Variants in CENPL observed in about 807,000 individuals in gnomAD.
The protein encoded by CENPL is centromere protein L.
In CENPL, 20 loss-of-function variants were observed where a neutral mutation model predicts 35.2. The observed-to-expected ratio is 0.57, with a 90% CI of 0.40 to 0.83. CENPL has a LOEUF of 0.83. Ranked by LOEUF, CENPL falls within the 40% of genes least tolerant of loss-of-function variation. The probability of loss-of-function intolerance (pLI) is 0.00; values close to 1 mark genes in which losing one functional copy is unlikely to be tolerated. For synonymous variants in CENPL, 140 were observed against 140.6 expected, an observed-to-expected ratio of 1.00 and a Z score of 0.03; for missense variants, 363 against 395.8, an observed-to-expected ratio of 0.92 and a Z score of 0.70.
At chr1:173,813,415 C>T (rs997554070) in intron 2 of CENPL, among the ~76,000 whole-genome samples, 3 of 152,142 alleles carry the variant, frequency 2.0e-5, no homozygotes, top group Non-Finnish European at 2.9e-5. Flanking sequence ...ATGTTAAGGG[C>T]AGCCAGAGAG....
Position 173,799,724 on chromosome 1 carries a change from G to C in CENPL, c.*724C>G, listed in dbSNP as rs983357210. The stretch of plus-strand genomic sequence containing the variant: ...GCTAGGAAAATGTCTTTAGAAGACA[G>C]AATTCTTTCTGAATGCAAGTCTAAA... On this transcript the variant is annotated 3_prime_UTR_variant, in exon 6 of 6. Transcript: ENST00000682279. 1 of 152,190 alleles carries C rather than the reference G, an allele frequency of 6.6e-6. No individual in the cohort carries two copies. Among genetic ancestry groups the C allele is most frequent in the Non-Finnish European group, 1.5e-5 (1 of 68,028 alleles). The allele number at this position is 152,190 out of a possible 1,614,324, so 9.4% of individuals were successfully genotyped here. A position where few individuals can be genotyped will look rare whatever the true frequency, so the allele number is the denominator to read the frequency against.
chr1:173,807,320 T>A lies in CENPL; in HGVS notation c.367A>T (p.Thr123Ser). 1 of 1,613,494 alleles carries A rather than the reference T, an allele frequency of 6.2e-7. No individual in the cohort carries two copies. Among genetic ancestry groups the A allele is most frequent in the Non-Finnish European group, 8.5e-7 (1 of 1,179,626 alleles). Residue 123 changes from threonine (T) to serine (S), a missense_variant, in exon 4 of 6, where the codon ACT (threonine) becomes TCT (serine). Transcript: ENST00000682279. ...TGTGTTCCTTTCATTCCTAGGAGAG[T>A]AGAAAAAATCACTTTGATGTTGAAG... The part of the protein sequence containing the change: ...EDFNIKVIFS[T>S]LLGMKGTQRD...
At chr1:173,802,872 G>A in intron 5 of CENPL, 91 bp downstream of exon 5, 1 of 829,448 alleles carries the variant, frequency 1.2e-6, no homozygotes, top group Non-Finnish European at 1.9e-6. Context: ...ATTCAAGTGT[G>A]TTTCTTCAAT....
At chr1:173,821,804 CTTTTTTTTT>C (rs57573875) in intron 2 of CENPL, 13 of 94,050 alleles carry the variant, frequency 1.4e-4, no homozygotes, top group African/African-American at 5.9e-4. Context: ...GTACTTCAGC[CTTTTTTTTT>C]TTTTTTTTTT....
intron 4 of CENPL, 105 bp downstream of exon 4, chr1:173,807,162 T>C (rs1650306626): frequency 1.1e-5 from 11 of 1,006,126 alleles, no homozygotes; most frequent in African/African-American, 6.4e-5. Flanking sequence ...TACCTATATA[T>C]ATAGGAAAAA....
chr1:173,820,474 C>A (rs898333852), intron 2 of CENPL, among the ~76,000 whole-genome samples: 2 of 152,064 alleles, frequency 1.3e-5, no homozygotes, highest in Non-Finnish European at 2.9e-5. Context: ...TATGATCACA[C>A]CACTGCACTT....
chr1:173,813,025 C>A (rs1650993758), intron 2 of CENPL, among the ~76,000 whole-genome samples: 1 of 152,098 alleles, frequency 6.6e-6, no homozygotes, highest in African/African-American at 2.4e-5. Flanking sequence ...CTTCATGATG[C>A]ATGCACAAGC....
At chr1:173,811,051 A>G in intron 3 of CENPL, 81 bp downstream of exon 3, 1 of 1,301,060 alleles carries the variant, frequency 7.7e-7, no homozygotes, top group Non-Finnish European at 1.1e-6. Flanking sequence ...TACTAAGAAT[A>G]CTATAGTTAC....
intron 2 of CENPL, among the ~76,000 whole-genome samples, chr1:173,816,887 C>G (rs1651434870): frequency 6.6e-6 from 1 of 152,188 alleles, no homozygotes; most frequent in African/African-American, 2.4e-5. Flanking sequence ...CGCCTGTAAT[C>G]TCAGCACTTT....
chr1:173,818,309 C>A (rs186124126), intron 2 of CENPL, among the ~76,000 whole-genome samples: 1 of 152,116 alleles, frequency 6.6e-6, no homozygotes, highest in East Asian at 1.9e-4. Context: ...AAAACCTTTA[C>A]AGTAACAAGA....
chr1:173,819,593 C>T (rs1651746654), intron 2 of CENPL, among the ~76,000 whole-genome samples: 1 of 144,952 alleles, frequency 6.9e-6, no homozygotes, highest in Non-Finnish European at 1.5e-5. Context: ...TCCATCTCAA[C>T]AACAACAACA....
intron 5 of CENPL, 148 bp downstream of exon 5, chr1:173,802,815 A>G (rs1649872456): frequency 5.0e-6 from 3 of 595,572 alleles, no homozygotes; most frequent in Middle Eastern, 4.5e-4. Context: ...TAAAGACTGC[A>G]ATAAACCATA....
chr1:173,806,490 G>A, intron 4 of CENPL: 1 of 443,838 alleles, frequency 2.3e-6, no homozygotes, highest in South Asian at 1.6e-5. Context: ...AGGCTAAGGT[G>A]GAAGGATCAC....
intron 4 of CENPL, among the ~76,000 whole-genome samples, chr1:173,805,294 G>A (rs1650117914): frequency 6.6e-6 from 1 of 152,142 alleles, no homozygotes; most frequent in Non-Finnish European, 1.5e-5. Context: ...CAATGCGGGT[G>A]GATCACGAGC....
At chr1:173,814,708 C>G (rs1298909460) in intron 2 of CENPL, among the ~76,000 whole-genome samples, 1 of 152,116 alleles carries the variant, frequency 6.6e-6, no homozygotes, top group Non-Finnish European at 1.5e-5. Flanking sequence ...ATTTATAGCA[C>G]TAAATGCCCA....
Position 173,811,239 on chromosome 1 carries a change from A to T in CENPL, c.61T>A (p.Phe21Ile), listed in dbSNP as rs1557846727. The T allele has an allele frequency of 1.2e-5, 20 of 1,613,516 alleles. No homozygotes were observed. Among genetic ancestry groups the T allele is most frequent in the Non-Finnish European group, 1.5e-5 (18 of 1,179,474 alleles). Residue 21 changes from phenylalanine to isoleucine, a missense_variant, in exon 3 of 6, where the codon TTT (phenylalanine) becomes ATT (isoleucine). Physicochemically the swap from Phe to Ile is conservative, Grantham distance 21 (BLOSUM62 0). Transcript: ENST00000682279. ...TTCTGCAGAGGAGTGGCACCTATAA[A>T]GTAATCTTCAGGTCTTGAGGATGCA... ...PSASSRPEDY[F>I]IGATPLQKRL... is the part of the protein sequence containing the mutation.
chr1:173,807,275 G>T lies in CENPL; in HGVS notation c.412C>A (p.Leu138Ile). The stretch of plus-strand genomic sequence containing the variant: ...CTGTTTATGTATTATACCTGGACAA[G>T]AAATGCTTCCGGGTCCCTTTGTGTT... Reference protein sequence around the residue: ...KGTQRDPEAFLVQIVSKSQLP... With the variant: ...KGTQRDPEAFIVQIVSKSQLP... The change falls in exon 4 of 6, where the codon CTT (leucine) becomes ATT (isoleucine). Residue 138 changes from leucine (L) to isoleucine (I), a missense_variant. By Grantham distance (5) the Leu-to-Ile change is conservative (BLOSUM62 2). Transcript: ENST00000682279. 1 of 1,604,908 alleles carries T rather than the reference G, an allele frequency of 6.2e-7. No individual in the cohort carries two copies. The highest frequency in any genetic ancestry group is 1.1e-5 in the South Asian group (1 of 90,130).
Position 173,803,276 on chromosome 1 carries a change from T to C in CENPL, c.650A>G (p.Asn217Ser). ...YFSPLAINAF[N>S]LSWMAAMWTA... ...CCACATGGCAGCCATCCAGGAAAGA[T>C]TAAATGCATTGATTGCTAAAGGACT... The change falls in exon 5 of 6, where the codon AAT becomes AGT. Residue 217 changes from asparagine (N) to serine (S), a missense_variant. Physicochemically the swap from Asn to Ser is conservative, Grantham distance 46. Transcript: ENST00000682279. 1 of 1,613,722 alleles carries C rather than the reference T, an allele frequency of 6.2e-7. No individual in the cohort carries two copies. Among genetic ancestry groups the C allele is most frequent in the Non-Finnish European group, 8.5e-7 (1 of 1,179,606 alleles).
At chr1:173,802,901 A>G in intron 5 of CENPL, 62 bp downstream of exon 5, 1 of 1,087,888 alleles carries the variant, frequency 9.2e-7, no homozygotes, top group South Asian at 1.6e-5. Context: ...CAATACAATC[A>G]TCATACATTT....
Sources: gnomAD v4.1 joint callset for allele counts (sites outside exome capture counted in the v4.1 genomes callset) on GRCh38, gnomAD v4.1.1 for gene constraint, MANE v1.5 for transcripts, NCBI Gene and HGNC (gene_info 2026-07-23, HGNC 2026-07-21) for gene names.